Variants in APBA2 observed in about 807,000 individuals in gnomAD.
APBA2 encodes amyloid beta precursor protein binding family A member 2.
Under a neutral mutation model 75.0 loss-of-function variants are expected in APBA2, and 30 were observed. That is an observed-to-expected ratio of 0.40 (90% CI 0.30 to 0.54). APBA2 has a LOEUF of 0.54. Among genes scored for constraint, APBA2 ranks in the 20% least tolerant of loss-of-function variants. APBA2 has a pLI of 0.49. For missense variants in APBA2, 801 were observed against 1,016.1 expected, an observed-to-expected ratio of 0.79 and a Z score of 2.88; for synonymous variants, 444 against 409.6, an observed-to-expected ratio of 1.08 and a Z score of -1.01.
intron 2 of APBA2, among the ~76,000 whole-genome samples, chr15:28,973,655 T>A (rs561448574): frequency 1.3e-5 from 2 of 152,164 alleles, no homozygotes; most frequent in Non-Finnish European, 1.5e-5. Context: ...TTAAAAAAAA[T>A]TGTATATGTA....
chr15:29,054,281 G>C lies in APBA2; in HGVS notation c.397G>C (p.Glu133Gln), dbSNP rs1478800184. ...CAGTGCACACCCTGTGGACACTGAT[G>C]AGTGCCAGGAGGCGGTGGAGGAGTG... ...AHSAHPVDTD[E>Q]CQEAVEEWTD... The change falls in exon 4 of 15, where the codon GAG becomes CAG. Residue 133 changes from glutamate (E) to glutamine (Q), a missense_variant. Physicochemically the swap from Glu to Gln is conservative, Grantham distance 29. Coordinates refer to ENST00000683413, the MANE Select transcript of APBA2 (RefSeq NM_001353788.2). This position sits in a 1 kb window ranked among gnomAD's most constrained non-coding sequence, Gnocchi z 6.1. The C allele has an allele frequency of 5.6e-6, 9 of 1,614,040 alleles. No homozygotes were observed. Among genetic ancestry groups the C allele is most frequent in the African/African-American group, 1.3e-5 (1 of 74,934 alleles).
At chr15:28,979,831 C>T (rs528263222) in intron 2 of APBA2, among the ~76,000 whole-genome samples, 3 of 152,236 alleles carry the variant, frequency 2.0e-5, no homozygotes, top group East Asian at 3.9e-4. Context: ...ATGAGACAGA[C>T]AGTGGAGTTA....
At chr15:29,103,431 C>T (rs2044229881) in intron 10 of APBA2, among the ~76,000 whole-genome samples, 1 of 152,234 alleles carries the variant, frequency 6.6e-6, no homozygotes, top group African/African-American at 2.4e-5. Flanking sequence ...CGCCCACAGG[C>T]TTGGCTGCGA....
At chr15:28,948,882 T>G (rs2035693550) in intron 2 of APBA2, among the ~76,000 whole-genome samples, 1 of 125,322 alleles carries the variant, frequency 8.0e-6, no homozygotes, top group African/African-American at 3.2e-5. Flanking sequence ...TGTTGCTGAG[T>G]GAGAGGCTGG....
chr15:29,030,495 TAATAA>T (rs1338033793), intron 3 of APBA2, among the ~76,000 whole-genome samples: 1 of 151,428 alleles, frequency 6.6e-6, no homozygotes, highest in Admixed American at 6.6e-5. Context: ...ATAATAATAA[TAATAA>T]AATAAAGGAG....
rs777117052 is a variant in APBA2, at chr15:29,054,242, G to C, written c.358G>C (p.Glu120Gln). ...AGAGGGCATGGACTGCAACGGGGAGGAGTACCTGGCCCACAGTGCACACCC... is the reference window on the plus strand; with the variant it reads ...AGAGGGCATGGACTGCAACGGGGAGCAGTACCTGGCCCACAGTGCACACCC... ...YLEGMDCNGE[E>Q]YLAHSAHPVD... Residue 120 changes from glutamate to glutamine, a missense_variant, in exon 4 of 15, where the codon GAG (glutamate) becomes CAG (glutamine). Around this residue, in one of 2 missense-constraint regions of APBA2, gnomAD observed 434 missense variants for 471.6 expected, o/e 0.92. Transcript: ENST00000683413. The surrounding 1 kb of genome is among the most constrained non-coding windows in gnomAD (Gnocchi z 6.1). 3.8e-5 allele frequency: 62 copies of C among 1,614,026 alleles called. No individual in the cohort carries two copies. In the Admixed American group the frequency reaches 1.0e-3, roughly 26 times the overall value.
intron 2 of APBA2, among the ~76,000 whole-genome samples, chr15:28,937,595 T>C (rs1208704358): frequency 1.3e-5 from 2 of 152,140 alleles, no homozygotes; most frequent in African/African-American, 4.8e-5. Flanking sequence ...TAGGCCTCTC[T>C]CCCACTCCGG....
At chr15:29,081,512 A>G (rs2043082235) in intron 6 of APBA2, among the ~76,000 whole-genome samples, 1 of 152,218 alleles carries the variant, frequency 6.6e-6, no homozygotes, top group Non-Finnish European at 1.5e-5. Flanking sequence ...GCAAGAGTTA[A>G]AAATGAGAAA....
rs771501234 is a variant in APBA2 at position 29,054,476 on chromosome 15, C to A, written c.592C>A (p.Pro198Thr). ...CAAAGAGGGCTACCAGGACTACTAC[C>A]CCGAGGAGGCCAACGGGAACACCGG... is the stretch of plus-strand genomic sequence containing the variant. ...ASKEGYQDYY[P>T]EEANGNTGAS... The change falls in exon 4 of 15, where the codon CCC becomes ACC. Residue 198 changes from proline (P) to threonine (T), a missense_variant. Around this residue, in one of 2 missense-constraint regions of APBA2, gnomAD observed 434 missense variants for 471.6 expected, o/e 0.92. Coordinates refer to ENST00000683413, the MANE Select transcript of APBA2 (RefSeq NM_001353788.2). This position sits in a 1 kb window ranked among gnomAD's most constrained non-coding sequence, Gnocchi z 6.1. 1 of 1,614,070 alleles carries A rather than the reference C, an allele frequency of 6.2e-7. No individual in the cohort carries two copies. The highest frequency in any genetic ancestry group is 8.5e-7 in the Non-Finnish European group (1 of 1,180,014).
intron 6 of APBA2, among the ~76,000 whole-genome samples, chr15:29,089,935 C>G (rs1566994498): frequency 2.0e-5 from 3 of 152,174 alleles, no homozygotes; most frequent in Non-Finnish European, 4.4e-5. Flanking sequence ...AATTTCTACC[C>G]AAACATGTAG....
intron 3 of APBA2, among the ~76,000 whole-genome samples, chr15:29,047,622 A>G (rs1008336576): frequency 6.6e-6 from 1 of 152,132 alleles, no homozygotes; most frequent in South Asian, 2.1e-4. Context: ...TTTCATTGCA[A>G]TGAGGAATAA....
At chr15:29,026,275 G>GGTGT (rs1235056270) in intron 3 of APBA2, among the ~76,000 whole-genome samples, 1 of 152,278 alleles carries the variant, frequency 6.6e-6, no homozygotes, top group East Asian at 1.9e-4. Context: ...CACACACTCA[G>GGTGT]GTGCATCTGC....
chr15:29,024,121 C>G (rs1478123137), intron 3 of APBA2, among the ~76,000 whole-genome samples: 11 of 152,182 alleles, frequency 7.2e-5, no homozygotes, highest in Admixed American at 7.2e-4. Context: ...CCAGGCTGGT[C>G]TCGAACTGCT....
In APBA2 at chr15:29,114,013, A is replaced by G. The variant is rs753190001; in HGVS notation, c.2175A>G (p.Gly725=). ...KIVQALSNSV[G]EIHMKTMPAA... Reference sequence around the variant, plus strand: ...TCCAAGCTCTGTCCAACTCGGTCGGAGAGGTAAGGAGGGACTTTGAGTGTG... The same window carrying G: ...TCCAAGCTCTGTCCAACTCGGTCGGGGAGGTAAGGAGGGACTTTGAGTGTG... Residue 725 remains glycine (G), a synonymous_variant, in exon 14 of 15, where the codon GGA becomes GGG. Transcript: ENST00000683413. 1.1e-5 allele frequency: 18 copies of G among 1,613,698 alleles called. No individual in the cohort carries two copies. Among genetic ancestry groups the G allele is most frequent in the Non-Finnish European group, 1.5e-5 (18 of 1,180,016 alleles).
At position 29,070,261 on chromosome 15, in the gene APBA2, G is replaced by A. The variant is rs191077960; in HGVS notation, c.952-4660G>A. Among the ~76,000 whole-genome samples, 5 of 152,294 alleles carry A rather than the reference G, an allele frequency of 3.3e-5. No homozygotes were observed. The East Asian group carries it at 7.7e-4, about 23-fold the overall frequency. On this transcript the variant is annotated intron_variant, in intron 4 of 14. Transcript: ENST00000683413. ...TTGTATGTGTATTTTACCATAATAA[G>A]CAATTGAAAAAATAAGTTGTATTTC...
Position 29,101,626 on chromosome 15 carries a change from A to G in APBA2, c.1366A>G (p.Thr456Ala). The G allele has an allele frequency of 6.2e-7, 1 of 1,613,656 alleles. No individual in the cohort carries two copies. The highest frequency in any genetic ancestry group is 1.1e-5 in the South Asian group (1 of 91,032). Residue 456 changes from threonine to alanine, a missense_variant, in exon 10 of 15, where the codon ACC becomes GCC. Coordinates refer to ENST00000683413, the MANE Select transcript of APBA2 (RefSeq NM_001353788.2). ...AACCATGATGGACCACGCCTTGCGT[A>G]CCATCTCCTACATCGCCGACATTGG... The part of the protein sequence containing the change: ...QETMMDHALR[T>A]ISYIADIGNI...
At chr15:28,967,946 G>T (rs181316841) in intron 2 of APBA2, among the ~76,000 whole-genome samples, 3 of 152,262 alleles carry the variant, frequency 2.0e-5, no homozygotes, top group Non-Finnish European at 4.4e-5. Context: ...AGCAGTAATT[G>T]TCCATTCCCC....
chr15:29,037,872 G>A (rs1226930820), intron 3 of APBA2, among the ~76,000 whole-genome samples: 1 of 152,154 alleles, frequency 6.6e-6, no homozygotes, highest in Non-Finnish European at 1.5e-5. Context: ...CTTATGAGGA[G>A]CCCTCTCCCT....
At chr15:28,908,459 C>T (rs1387787994) in intron 1 of APBA2, among the ~76,000 whole-genome samples, 7 of 151,940 alleles carry the variant, frequency 4.6e-5, no homozygotes, top group Non-Finnish European at 8.8e-5. Context: ...TACAGGCGCC[C>T]GCCACCATGC....
Sources: allele counts gnomAD v4.1 joint callset (sites outside exome capture counted in the v4.1 genomes callset), GRCh38; gene constraint gnomAD v4.1.1; regional missense constraint gnomAD v4.1.1; non-coding constraint Gnocchi (gnomAD v3.1); transcripts MANE v1.5; gene names NCBI Gene and HGNC (gene_info 2026-07-23, HGNC 2026-07-21).